POLR1A: variants seen among roughly 807,000 people sequenced by gnomAD.
The protein encoded by POLR1A is DNA-directed RNA polymerase I subunit RPA1.
POLR1A carries 84 observed loss-of-function variants against 205.3 expected under a neutral mutation model. That is an observed-to-expected ratio of 0.41 (90% CI 0.34 to 0.49). The LOEUF (loss-of-function observed/expected upper bound fraction) is 0.49. Ranked by LOEUF, POLR1A falls within the 20% of genes least tolerant of loss-of-function variation. The probability of loss-of-function intolerance (pLI) is 0.22; values close to 1 mark genes in which losing one functional copy is unlikely to be tolerated. For missense variants in POLR1A, 1,645 were observed against 2,204.5 expected (o/e 0.75, Z 5.08); for synonymous variants, 799 against 863.7 (o/e 0.93, Z 1.31).
Position 86,022,749 on chromosome 2 carries a change from T to C in POLR1A, c.*4674A>G, listed in dbSNP as rs1232335938. 1.3e-5 allele frequency: 2 copies of C among 152,096 alleles called. No homozygotes were observed. The highest frequency in any genetic ancestry group is 4.8e-5 in the African/African-American group (2 of 41,366). 9.4% of individuals were successfully genotyped at this position (152,096 alleles called of 1,614,324 possible). ...GACCACAGGCACATGTCACAACACC[T>C]GGCTAATTTTTGTAGATACGGGGTC... On this transcript the variant is annotated 3_prime_UTR_variant, in exon 34 of 34. Coordinates refer to ENST00000263857, the MANE Select transcript of POLR1A (RefSeq NM_015425.6).
In POLR1A at chr2:86,048,884, C is replaced by A; in HGVS notation, c.2634G>T (p.Lys878Asn). 6.2e-7 allele frequency: 1 copy of A among 1,613,248 alleles called. No homozygotes were observed. The highest frequency in any genetic ancestry group is 8.5e-7 in the Non-Finnish European group (1 of 1,179,194). The change falls in exon 18 of 34, where the codon AAG becomes AAT. Residue 878 changes from lysine (K) to asparagine (N), a missense_variant and splice_region_variant. Physicochemically the swap from Lys to Asn is moderately conservative, Grantham distance 94. Transcript: ENST00000263857. The part of the protein sequence containing the change: ...EVNHYSNEIN[K>N]ACMPFGLHRQ... ...TAAATGCATGCAATGCTGGGCTAACCTTGTTAATCTCATTGCTGTAATGGT... is the reference window on the plus strand; with the variant it reads ...TAAATGCATGCAATGCTGGGCTAACATTGTTAATCTCATTGCTGTAATGGT...
chr2:86,054,043 C>G, intron 15 of POLR1A, 97 bp downstream of exon 15: 2 of 1,223,474 alleles, frequency 1.6e-6, no homozygotes, highest in Non-Finnish European at 2.4e-6. Context: ...ACAGTACCTG[C>G]TTCTGTGAAT....
At chr2:86,053,492 C>T (rs1459535415) in intron 15 of POLR1A, among the ~76,000 whole-genome samples, 1 of 152,168 alleles carries the variant, frequency 6.6e-6, no homozygotes. Flanking sequence ...TTCCTAACAT[C>T]CTCTAAGGCC....
At chr2:86,044,546 A>G (rs1277692449) in intron 21 of POLR1A, among the ~76,000 whole-genome samples, 1 of 152,218 alleles carries the variant, frequency 6.6e-6, no homozygotes, top group African/African-American at 2.4e-5. Context: ...GTTACTGAGC[A>G]GCTTGGCTGC....
In POLR1A at chr2:86,028,714, G is replaced by A; in HGVS notation, c.4780-3C>T. On this transcript the variant is annotated splice_polypyrimidine_tract_variant and splice_region_variant and intron_variant, in intron 31 of 33. Coordinates refer to ENST00000263857, the MANE Select transcript of POLR1A (RefSeq NM_015425.6). This position sits in a 1 kb window ranked among gnomAD's most constrained non-coding sequence, Gnocchi z 4.5. ...TAGAGGCGGCGCAGATCCAGGACCT[G>A]GAGAGAGGAAGGAAGGGATTTATTT... 1 of 1,609,718 alleles carries A rather than the reference G, an allele frequency of 6.2e-7. No individual in the cohort carries two copies. Among genetic ancestry groups the A allele is most frequent in the South Asian group, 1.1e-5 (1 of 90,992 alleles).
rs1021611751 is a variant in POLR1A at position 86,031,350 on chromosome 2, C to T, written c.4558G>A (p.Glu1520Lys). Residue 1520 changes from glutamate (E) to lysine (K), a missense_variant, in exon 30 of 34, where the codon GAG becomes AAG. By Grantham distance (56) the Glu-to-Lys change is moderately conservative. Coordinates refer to ENST00000263857, the MANE Select transcript of POLR1A (RefSeq NM_015425.6). ...CTGACCTGGCACCACAGGCTCTCCTCGGTGTCGTACTGGTAGTCATCTATG... is the reference window on the plus strand; with the variant it reads ...CTGACCTGGCACCACAGGCTCTCCTTGGTGTCGTACTGGTAGTCATCTATG... ...PFIDDYQYDTEESLWCQVTVK... is the reference protein window; with the variant it reads ...PFIDDYQYDTKESLWCQVTVK... The T allele has an allele frequency of 2.6e-5, 40 of 1,564,754 alleles. No homozygotes were observed. The highest frequency in any genetic ancestry group is 3.3e-5 in the Non-Finnish European group (38 of 1,151,964).
rs1461382886 is a variant in POLR1A, at chr2:86,040,474, C to T, written c.3658G>A (p.Gly1220Arg). 1 of 1,613,574 alleles carries T rather than the reference C, an allele frequency of 6.2e-7. No homozygotes were observed. Among genetic ancestry groups the T allele is most frequent in the Non-Finnish European group, 8.5e-7 (1 of 1,179,766 alleles). ...AVGLLAAQSI[G>R]EPSTQMTLNT... ...AGGGTCATCTGGGTGGAGGGCTCTCCGATGCTCTGGGCAGCCAGCAGGCCC... is the reference window on the plus strand; with the variant it reads ...AGGGTCATCTGGGTGGAGGGCTCTCTGATGCTCTGGGCAGCCAGCAGGCCC... Residue 1220 changes from glycine (G) to arginine (R), a missense_variant, in exon 25 of 34, where the codon GGA becomes AGA. Transcript: ENST00000263857.
chr2:86,080,713 A>C, intron 9 of POLR1A, 103 bp downstream of exon 9: 2 of 1,156,710 alleles, frequency 1.7e-6, no homozygotes, highest in East Asian at 2.6e-5. Context: ...GCTGCACAGA[A>C]CATCCCAGGA....
chr2:86,059,866 TC>T (rs1672965581), intron 14 of POLR1A, among the ~76,000 whole-genome samples: 1 of 152,112 alleles, frequency 6.6e-6, no homozygotes. Context: ...ATGCCTGGCC[TC>T]ATTCTTATTT....
chr2:86,077,827 A>G (rs773328740), intron 11 of POLR1A, 32 bp downstream of exon 11: 51 of 887,344 alleles, frequency 5.7e-5, no homozygotes, highest in African/African-American at 5.2e-4. Flanking sequence ...ACACACACAC[A>G]CACACACACA....
intron 19 of POLR1A, 91 bp downstream of exon 19, chr2:86,047,074 T>G: frequency 1.2e-6 from 1 of 811,618 alleles, no homozygotes; most frequent in Non-Finnish European, 2.1e-6. Context: ...ACTTGTCATG[T>G]TTTATAGGGA....
rs564428650 is a variant in POLR1A at position 86,079,870 on chromosome 2, C to A, written c.1086+946G>T. Among the ~76,000 whole-genome samples the A allele has an allele frequency of 3.9e-4, 59 of 152,212 alleles. 1 individual carries two copies. The highest frequency in any genetic ancestry group is 1.6e-3 in the Admixed American group (24 of 15,278). The stretch of plus-strand genomic sequence containing the variant: ...AGCTATCATGCCTGGCCAGGCTGCC[C>A]GATTTTTAAGGGACATCAACCCTGG... On this transcript the variant is annotated intron_variant, in intron 9 of 33. Coordinates refer to ENST00000263857, the MANE Select transcript of POLR1A (RefSeq NM_015425.6).
rs941882614 is a variant in POLR1A, at chr2:86,077,346, G to C, written c.1380+513C>G. On this transcript the variant is annotated intron_variant, in intron 11 of 33. Coordinates refer to ENST00000263857, the MANE Select transcript of POLR1A (RefSeq NM_015425.6). ...CAGCAAGCTGCTGACCCTGAGAAGC[G>C]AAACAGGACCTGGGCAACATGCACA... Among the ~76,000 whole-genome samples the C allele has an allele frequency of 3.3e-5, 5 of 152,158 alleles. 1 individual carries two copies. The highest frequency in any genetic ancestry group is 1.2e-4 in the African/African-American group (5 of 41,428).
intron 16 of POLR1A, among the ~76,000 whole-genome samples, chr2:86,050,030 G>A (rs1251657794): frequency 6.6e-6 from 1 of 151,962 alleles, no homozygotes; most frequent in Non-Finnish European, 1.5e-5. Context: ...TGATTCTCCT[G>A]CCTCAGCCTC....
In POLR1A at chr2:86,022,779, T is replaced by C. The variant is rs1317038990; in HGVS notation, c.*4644A>G. The C allele has an allele frequency of 6.6e-6, 1 of 152,192 alleles. No individual in the cohort carries two copies. The highest frequency in any genetic ancestry group is 1.9e-4 in the East Asian group (1 of 5,194). The allele number at this position is 152,192 out of a possible 1,614,324, so 9.4% of individuals were successfully genotyped here. On this transcript the variant is annotated 3_prime_UTR_variant, in exon 34 of 34. Transcript: ENST00000263857. ...AATTTTTGTAGATACGGGGTCTCAC[T>C]GGGTTGCCCAGGCTAGTCTCAAACT...
In POLR1A at chr2:86,027,485, C is replaced by T. The variant is rs1172716237; in HGVS notation, c.5101G>A (p.Val1701Met). 3 of 1,614,220 alleles carry T rather than the reference C, an allele frequency of 1.9e-6. No individual in the cohort carries two copies. In the Admixed American group the frequency reaches 5.0e-5, roughly 27 times the overall value. Residue 1701 changes from valine (V) to methionine (M), a missense_variant, in exon 34 of 34, where the codon GTG (valine) becomes ATG (methionine). Around this residue, in one of 16 missense-constraint regions of POLR1A, gnomAD observed 86 missense variants for 149.8 expected, o/e 0.57. Coordinates refer to ENST00000263857, the MANE Select transcript of POLR1A (RefSeq NM_015425.6). ...CCGCCCCTGACGACCTTCCCGACCA[C>T]AAGGCAGGCAGAAGGAGACCTCAGC... ...DELRSPSACL[V>M]VGKVVRGGTG...
chr2:86,065,757 T>C (rs1005779941), intron 13 of POLR1A: 4 of 327,242 alleles, frequency 1.2e-5, no homozygotes, highest in Non-Finnish European at 2.2e-5. Flanking sequence ...CATCTGGTTC[T>C]AGTTACTCCA....
intron 6 of POLR1A, among the ~76,000 whole-genome samples, chr2:86,087,756 CG>C (rs10708170): frequency 0.73 from 110,896 of 151,984 alleles, 42,627 homozygotes; most frequent in Non-Finnish European, 0.85. Flanking sequence ...TTGGCCAGGC[CG>C]GTCTTGAACT....
At position 86,088,860 on chromosome 2, in the gene POLR1A, A is replaced by T; in HGVS notation, c.551T>A (p.Val184Glu). 1.9e-6 allele frequency: 3 copies of T among 1,612,736 alleles called. No individual in the cohort carries two copies. Among genetic ancestry groups the T allele is most frequent in the Non-Finnish European group, 2.5e-6 (3 of 1,178,958 alleles). Reference sequence around the variant, plus strand: ...AATGAGCTTGCTCTTGCTCTCACACACGTTCTTTACCTGTTTTTTTAAAAA... The same window carrying T: ...AATGAGCTTGCTCTTGCTCTCACACTCGTTCTTTACCTGTTTTTTTAAAAA... ...LGSQGAHVKN[V>E]CESKSKLIAL... Residue 184 changes from valine (V) to glutamate (E), a missense_variant, in exon 5 of 34, where the codon GTG becomes GAG. This residue lies in a region of POLR1A where 330 missense variants were observed against 375.6 expected (regional missense o/e 0.88). Coordinates refer to ENST00000263857, the MANE Select transcript of POLR1A (RefSeq NM_015425.6).
Sources: gnomAD v4.1 joint callset for allele counts (sites outside exome capture counted in the v4.1 genomes callset) on GRCh38, gnomAD v4.1.1 for gene constraint, gnomAD v4.1.1 regional missense constraint, Gnocchi (gnomAD v3.1) non-coding constraint, MANE v1.5 for transcripts, NCBI Gene and HGNC (gene_info 2026-07-23, HGNC 2026-07-21) for gene names.